The following FRMD4A variants were observed in gnomAD, a reference collection of about 807,000 sequenced individuals.
The protein encoded by FRMD4A is FERM domain containing 4A, also known as FERM domain-containing protein 4A.
Under a neutral mutation model 129.1 loss-of-function variants are expected in FRMD4A, and 29 were observed. The observed-to-expected ratio is 0.22, with a 90% confidence interval of 0.17 to 0.31. The LOEUF (loss-of-function observed/expected upper bound fraction) is 0.31, where lower values mean the gene tolerates loss of function less well. Ranked by LOEUF, FRMD4A falls within the 10% of genes least tolerant of loss-of-function variation. The pLI, the probability that FRMD4A is intolerant of heterozygous loss-of-function variation, is 1.00. For synonymous variants in FRMD4A, 634 were observed against 571.6 expected (o/e 1.11, Z -1.56); for missense variants, 1,272 against 1,375.8 (o/e 0.92, Z 1.19).
intron 2 of FRMD4A, among the ~76,000 whole-genome samples, chr10:14,255,703 T>A (rs895959895): frequency 2.0e-5 from 3 of 151,774 alleles, no homozygotes; most frequent in Non-Finnish European, 2.9e-5. Context: ...AAGAAAAAAA[T>A]TGAGTTTAAA....
intron 2 of FRMD4A, among the ~76,000 whole-genome samples, chr10:14,263,395 AC>A (rs1186316674): frequency 2.6e-5 from 4 of 152,100 alleles, no homozygotes; most frequent in African/African-American, 9.7e-5. Context: ...GCTAAGAATC[AC>A]CCCAAATTTC....
intron 2 of FRMD4A, chr10:13,971,747 G>C (rs1287026142): frequency 7.7e-7 from 1 of 1,304,330 alleles, no homozygotes; most frequent in East Asian, 5.5e-5. Context: ...CGCCCGACAA[G>C]TCAGGTTCCA....
Position 13,904,992 on chromosome 10 carries a change from CA to C in FRMD4A, c.46-46081del, listed in dbSNP as rs397772526. On this transcript the variant is annotated intron_variant, in intron 2 of 24. Transcript: ENST00000357447. ...TGGGCGACAGAGTGAGACTCTATCT[CA>C]AAAAAAAAAAAAAAAAAGAAAAGAA... Among the ~76,000 whole-genome samples, 13 of 109,436 alleles carry C rather than the reference CA, an allele frequency of 1.2e-4. 1 individual carries two copies. The highest frequency in any genetic ancestry group is 3.2e-4 in the African/African-American group (9 of 27,762). The allele number at this position is 109,436 out of a possible 152,430, so 71.8% of individuals were successfully genotyped here. A position where few individuals can be genotyped will look rare whatever the true frequency, so the allele number is the denominator to read the frequency against.
chr10:13,908,613 C>T (rs551915455), intron 2 of FRMD4A, among the ~76,000 whole-genome samples: 28 of 152,310 alleles, frequency 1.8e-4, no homozygotes, highest in Admixed American at 1.1e-3. Flanking sequence ...AGACAAGTTA[C>T]GTCTAAGTGT....
At chr10:13,857,638 T>A (rs975522675) in intron 3 of FRMD4A, among the ~76,000 whole-genome samples, 6 of 152,212 alleles carry the variant, frequency 3.9e-5, no homozygotes, top group Admixed American at 3.9e-4. Context: ...AGTGTCTGCA[T>A]GCGAGTTTCC....
chr10:13,780,047 C>T (rs2400016), intron 6 of FRMD4A, among the ~76,000 whole-genome samples: 44,116 of 151,896 alleles, frequency 0.29, 7,176 homozygotes, highest in East Asian at 0.51. Context: ...CTTTTAGGGC[C>T]GGGCAAGGTG....
intron 2 of FRMD4A, among the ~76,000 whole-genome samples, chr10:14,152,241 C>T (rs565138357): frequency 6.7e-6 from 1 of 148,406 alleles, no homozygotes; most frequent in African/African-American, 2.5e-5. Flanking sequence ...CATTCTCCTG[C>T]CTCAGCCTCC....
At chr10:13,719,857 A>C (rs1447103961) in intron 12 of FRMD4A, among the ~76,000 whole-genome samples, 2 of 152,202 alleles carry the variant, frequency 1.3e-5, no homozygotes, top group Non-Finnish European at 2.9e-5. Context: ...CACTCAAGAT[A>C]TCCTCATTAC....
At chr10:13,678,811 G>T (rs2084224993) in intron 15 of FRMD4A, among the ~76,000 whole-genome samples, 1 of 152,154 alleles carries the variant, frequency 6.6e-6, no homozygotes, top group Non-Finnish European at 1.5e-5. Flanking sequence ...ATAATATGGG[G>T]TGCACATTGA....
chr10:13,851,276 C>A (rs193260488), intron 3 of FRMD4A, among the ~76,000 whole-genome samples: 33 of 152,292 alleles, frequency 2.2e-4, no homozygotes, highest in Admixed American at 4.6e-4. Context: ...CATTATTGTG[C>A]CAAACATCCA....
chr10:14,294,838 G>T (rs1171537642), intron 2 of FRMD4A, among the ~76,000 whole-genome samples: 3 of 152,182 alleles, frequency 2.0e-5, no homozygotes, highest in African/African-American at 7.2e-5. Flanking sequence ...TCAGGTGTGA[G>T]GAGCGTGTCT....
At chr10:14,006,036 GC>G (rs1328912794) in intron 2 of FRMD4A, among the ~76,000 whole-genome samples, 1 of 152,204 alleles carries the variant, frequency 6.6e-6, no homozygotes, top group Non-Finnish European at 1.5e-5. Flanking sequence ...ATGGAAGGGT[GC>G]TGGCTCTCAG....
At chr10:14,132,623 A>T (rs951109342) in intron 2 of FRMD4A, among the ~76,000 whole-genome samples, 18 of 152,202 alleles carry the variant, frequency 1.2e-4, no homozygotes, top group Admixed American at 7.2e-4. Context: ...AGTATTCCCC[A>T]CCACCTCCCA....
intron 2 of FRMD4A, among the ~76,000 whole-genome samples, chr10:14,021,650 T>G (rs978261943): frequency 6.6e-6 from 1 of 152,108 alleles, no homozygotes; most frequent in Non-Finnish European, 1.5e-5. Flanking sequence ...AATTTTAATC[T>G]AGAGGGGATA....
intron 15 of FRMD4A, chr10:13,685,607 G>A (rs2084997569): frequency 2.0e-6 from 2 of 984,064 alleles, no homozygotes; most frequent in African/African-American, 1.7e-5. Context: ...TGCAACAGAG[G>A]GCTGGCCCTA....
intron 2 of FRMD4A, among the ~76,000 whole-genome samples, chr10:14,181,672 C>T (rs994425984): frequency 1.3e-4 from 20 of 152,200 alleles, no homozygotes; most frequent in African/African-American, 3.9e-4. Context: ...GATATATGTA[C>T]GCATTGTGAA....
chr10:13,816,032 C>T (rs1258535842), intron 3 of FRMD4A, among the ~76,000 whole-genome samples: 1 of 152,212 alleles, frequency 6.6e-6, no homozygotes, highest in Non-Finnish European at 1.5e-5. Flanking sequence ...CAGTAGCTGC[C>T]TGGCTGGAAC....
At position 14,210,266 on chromosome 10, in the gene FRMD4A, T is replaced by C. The variant is rs550775273; in HGVS notation, c.45+119792A>G. ...GGGAGGTCTTTTGCCCATTTCACCA[T>C]GTGAGGATGGAGTGACAAGGTACCA... On this transcript the variant is annotated intron_variant, in intron 2 of 24. Transcript: ENST00000357447. Among the ~76,000 whole-genome samples, 22 of 152,282 alleles carry C rather than the reference T, an allele frequency of 1.4e-4. No individual in the cohort carries two copies. In the South Asian group the frequency reaches 4.6e-3, roughly 32 times the overall value.
At chr10:13,697,478 G>A (rs2086337032) in intron 14 of FRMD4A, among the ~76,000 whole-genome samples, 1 of 152,150 alleles carries the variant, frequency 6.6e-6, no homozygotes, top group Non-Finnish European at 1.5e-5. Context: ...AAATATCACA[G>A]CGACCTAACA....
Sources: gnomAD v4.1 joint callset for allele counts (sites outside exome capture counted in the v4.1 genomes callset) on GRCh38, gnomAD v4.1.1 for gene constraint, MANE v1.5 for transcripts, NCBI Gene and HGNC (gene_info 2026-07-23, HGNC 2026-07-21) for gene names.